Variants in MCF2L observed in about 807,000 individuals in gnomAD.
MCF2L encodes the protein guanine nucleotide exchange factor DBS.
A neutral mutation model predicts 153.4 loss-of-function variants in MCF2L; 97 were observed. The ratio of observed to expected loss-of-function variants is 0.63; its 90% CI spans 0.54 to 0.75. MCF2L has a LOEUF of 0.75. MCF2L is among the 30% of genes least tolerant of loss of function. The pLI, the probability that MCF2L is intolerant of heterozygous loss-of-function variation, is 0.00. For synonymous variants in MCF2L, 659 were observed against 632.2 expected (o/e 1.04, Z -0.64); for missense variants, 1,347 against 1,495.2 (o/e 0.90, Z 1.64).
rs528655373 is a variant in MCF2L at position 113,031,843 on chromosome 13, G to A, written c.278+7085G>A. On this transcript the variant is annotated intron_variant, in intron 3 of 29. Coordinates refer to ENST00000535094, the MANE Select transcript of MCF2L (RefSeq NM_001112732.3). This position sits in a 1 kb window ranked among gnomAD's most constrained non-coding sequence, Gnocchi z 5.5. ...CATGTACACATACAGATGCACACAC[G>A]CACCTACACAGGCTTGCACATGCCA... Among the ~76,000 whole-genome samples, 11 of 149,992 alleles carry A rather than the reference G, an allele frequency of 7.3e-5. No individual in the cohort carries two copies. Among genetic ancestry groups the A allele is most frequent in the South Asian group, 2.1e-4 (1 of 4,658 alleles).
chr13:113,025,386 GT>G (rs2085187816), intron 3 of MCF2L, among the ~76,000 whole-genome samples: 1 of 59,852 alleles, frequency 1.7e-5, no homozygotes, highest in Non-Finnish European at 3.2e-5. Context: ...GTGACTGTGG[GT>G]CGGGGCAGAG....
At position 113,028,991 on chromosome 13, in the gene MCF2L, T is replaced by G. The variant is rs929342024; in HGVS notation, c.278+4233T>G. Among the ~76,000 whole-genome samples, 1 of 151,802 alleles carries G rather than the reference T, an allele frequency of 6.6e-6. No individual in the cohort carries two copies. The highest frequency in any genetic ancestry group is 2.4e-5 in the African/African-American group (1 of 41,318). ...TGGGGTGAGTGTGGGGTGTGGTGTGTGGGGGGTGTGTGTGAGCGTGAGTGT... is the reference window on the plus strand; with the variant it reads ...TGGGGTGAGTGTGGGGTGTGGTGTGGGGGGGGTGTGTGTGAGCGTGAGTGT... On this transcript the variant is annotated intron_variant, in intron 3 of 29. Coordinates refer to ENST00000535094, the MANE Select transcript of MCF2L (RefSeq NM_001112732.3). The surrounding 1 kb of genome is among the most constrained non-coding windows in gnomAD (Gnocchi z 5.4).
chr13:113,039,529 G>A (rs1171163182), intron 3 of MCF2L, among the ~76,000 whole-genome samples: 3 of 152,150 alleles, frequency 2.0e-5, no homozygotes, highest in African/African-American at 7.2e-5. Context: ...AGATCGACAC[G>A]GAAAGCCACA....
chr13:113,033,231 TGACGTGAGTGGCCCCC>T (rs1410844726), intron 3 of MCF2L, among the ~76,000 whole-genome samples: 11 of 147,806 alleles, frequency 7.4e-5, no homozygotes, highest in African/African-American at 1.3e-4. Flanking sequence ...GTGGCCCCCG[TGACGTGAGTGGCCCCC>T]GTGACATTAG....
chr13:112,974,174 G>A (rs1342275152), intron 1 of MCF2L, among the ~76,000 whole-genome samples: 1 of 152,146 alleles, frequency 6.6e-6, no homozygotes, highest in Non-Finnish European at 1.5e-5. Flanking sequence ...GGAGTTCCCT[G>A]CATTTGGCTT....
intron 3 of MCF2L, chr13:113,040,698 C>A: frequency 6.6e-6 from 1 of 152,600 alleles, no homozygotes. Context: ...TCCTCGCCCC[C>A]ACCATGTCCA....
rs372153907 is a variant in MCF2L at position 113,088,537 on chromosome 13, T to G, written c.2768-25T>G. The stretch of plus-strand genomic sequence containing the variant: ...GTTGAAGTAAAGACGCTCGTTCACG[T>G]GGTTTGTCTGCTCCCTCCTCGCAGA... On this transcript the variant is annotated intron_variant, in intron 24 of 29. Coordinates refer to ENST00000535094, the MANE Select transcript of MCF2L (RefSeq NM_001112732.3). 2.4e-5 allele frequency: 39 copies of G among 1,611,604 alleles called. No individual in the cohort carries two copies. The African/African-American group carries it at 3.9e-4, about 16-fold the overall frequency.
Position 113,060,581 on chromosome 13 carries a change from CCT to C in MCF2L, c.370-6_370-5del. ...CACGCTGCAGGCCCTTGTCTCTCGC[CCT>C]CTCTCACAGGCATCTTTCCCGGCAA... On this transcript the variant is annotated splice_polypyrimidine_tract_variant and intron_variant, in intron 4 of 29. Coordinates refer to ENST00000535094, the MANE Select transcript of MCF2L (RefSeq NM_001112732.3). 6.2e-7 allele frequency: 1 copy of C among 1,612,212 alleles called. No individual in the cohort carries two copies. Among genetic ancestry groups the C allele is most frequent in the Non-Finnish European group, 8.5e-7 (1 of 1,179,910 alleles).
rs1187085191 is a variant in MCF2L at position 112,922,152 on chromosome 13, T to G, written c.169+19781T>G. Among the ~76,000 whole-genome samples, 3 of 152,192 alleles carry G rather than the reference T, an allele frequency of 2.0e-5. No individual in the cohort carries two copies. In the East Asian group the frequency reaches 5.8e-4, roughly 29 times the overall value. On this transcript the variant is annotated intron_variant, in intron 2 of 29. Coordinates refer to the MCF2L transcript ENST00000375608. ...GGGCACTTTATATAGTAGTCGACTT[T>G]GTACAACCAAAACTCAATAAATTTG...
rs192979566 is a variant in MCF2L, at chr13:113,064,140, G to A, written c.490-164G>A. Among the ~76,000 whole-genome samples the A allele has an allele frequency of 3.1e-3, 474 of 152,230 alleles. 3 individuals are homozygous for A. The highest frequency in any genetic ancestry group is 0.011 in the African/African-American group (461 of 41,560). On this transcript the variant is annotated intron_variant, in intron 5 of 29. Transcript: ENST00000535094. This position sits in a 1 kb window ranked among gnomAD's most constrained non-coding sequence, Gnocchi z 6.0. Reference sequence around the variant, plus strand: ...CGGGGCGCTGAGCTGCATCCCATCCGCACATCCATCCGCAGTGTCCAGGTG... The same window carrying A: ...CGGGGCGCTGAGCTGCATCCCATCCACACATCCATCCGCAGTGTCCAGGTG...
intron 1 of MCF2L, among the ~76,000 whole-genome samples, chr13:112,980,790 G>A (rs911015503): frequency 3.3e-5 from 5 of 152,120 alleles, no homozygotes; most frequent in Non-Finnish European, 5.9e-5. Flanking sequence ...GCCTCCCTCC[G>A]AGTCCACTGA....
intron 2 of MCF2L, chr13:112,909,956 T>C (rs1284198899): frequency 1.3e-5 from 2 of 152,244 alleles, no homozygotes; most frequent in East Asian, 3.9e-4. Context: ...ATGAAGAGAT[T>C]TTACTACCTG....
At chr13:112,948,644 AG>A (rs1299221213) in intron 2 of MCF2L, among the ~76,000 whole-genome samples, 1 of 152,260 alleles carries the variant, frequency 6.6e-6, no homozygotes, top group Non-Finnish European at 1.5e-5. Context: ...AATAGAAAAT[AG>A]GAAAAGTCTC....
intron 2 of MCF2L, among the ~76,000 whole-genome samples, chr13:112,917,835 A>G (rs2081310628): frequency 6.6e-6 from 1 of 152,150 alleles, no homozygotes; most frequent in African/African-American, 2.4e-5. Context: ...GAAGACTTAC[A>G]AGAAAGCTGG....
intron 2 of MCF2L, among the ~76,000 whole-genome samples, chr13:112,935,320 C>T (rs1389725710): frequency 6.6e-6 from 1 of 152,120 alleles, no homozygotes; most frequent in Non-Finnish European, 1.5e-5. Context: ...TGCGGTGGCA[C>T]GATCTCAGCT....
intron 4 of MCF2L, among the ~76,000 whole-genome samples, chr13:113,051,812 A>G (rs1342300354): frequency 1.3e-5 from 2 of 152,060 alleles, no homozygotes; most frequent in African/African-American, 4.8e-5. Context: ...GCGAGGGGAG[A>G]GTGAGCCAGC....
At chr13:112,922,183 G>A (rs898823312) in intron 2 of MCF2L, among the ~76,000 whole-genome samples, 12 of 152,104 alleles carry the variant, frequency 7.9e-5, no homozygotes, top group Admixed American at 1.3e-4. Context: ...ATTTGAAAGC[G>A]TAGAAGAAAC....
intron 1 of MCF2L, among the ~76,000 whole-genome samples, chr13:112,976,393 C>T (rs1431240500): frequency 6.6e-6 from 1 of 152,182 alleles, no homozygotes; most frequent in East Asian, 1.9e-4. Flanking sequence ...GCTAATGCCC[C>T]AAACAAGACT....
chr13:112,997,013 G>A (rs550170542), intron 1 of MCF2L, among the ~76,000 whole-genome samples: 35 of 152,338 alleles, frequency 2.3e-4, no homozygotes, highest in African/African-American at 8.2e-4. Flanking sequence ...GGGCCTAGGC[G>A]GGTGCTGCTG....
Sources: allele counts gnomAD v4.1 joint callset (sites outside exome capture counted in the v4.1 genomes callset), GRCh38; gene constraint gnomAD v4.1.1; non-coding constraint Gnocchi (gnomAD v3.1); transcripts MANE v1.5; gene names NCBI Gene and HGNC (gene_info 2026-07-23, HGNC 2026-07-21).